GDA: variants seen among roughly 807,000 people sequenced by gnomAD.
GDA encodes the protein cytoplasmic PSD-95 interactor.
Under a neutral mutation model 59.6 loss-of-function variants are expected in GDA, and 18 were observed. That is an observed-to-expected ratio of 0.30 (90% CI 0.21 to 0.45). The LOEUF is 0.45. Among genes scored for constraint, GDA ranks in the 20% least tolerant of loss-of-function variants. The pLI, the probability that GDA is intolerant of heterozygous loss-of-function variation, is 1.00. For missense variants in GDA, 427 were observed against 552.3 expected, an observed-to-expected ratio of 0.77 and a Z score of 2.27; for synonymous variants, 201 against 201.1, an observed-to-expected ratio of 1.00 and a Z score of 0.00.
intron 1 of GDA, among the ~76,000 whole-genome samples, chr9:72,182,820 C>A (rs952418720): frequency 6.6e-6 from 1 of 152,160 alleles, no homozygotes; most frequent in African/African-American, 2.4e-5. Context: ...TCTCCATTCT[C>A]ACTCATGTAC....
At chr9:72,179,066 G>T (rs1830863454) in intron 1 of GDA, among the ~76,000 whole-genome samples, 1 of 152,088 alleles carries the variant, frequency 6.6e-6, no homozygotes, top group Non-Finnish European at 1.5e-5. Context: ...TTCTCTAAGA[G>T]CTCTCCAGCC....
chr9:72,186,980 C>T (rs1200936168), intron 1 of GDA, among the ~76,000 whole-genome samples: 3 of 152,200 alleles, frequency 2.0e-5, no homozygotes, highest in Non-Finnish European at 4.4e-5. Context: ...ACTCCTAAAC[C>T]TTAAGCTCTA....
In GDA at chr9:72,149,661, C is replaced by A. The variant is rs773314382; in HGVS notation, c.102C>A (p.Leu34=). 1 of 1,602,018 alleles carries A rather than the reference C, an allele frequency of 6.2e-7. No homozygotes were observed. Among genetic ancestry groups the A allele is most frequent in the Admixed American group, 1.7e-5 (1 of 58,528 alleles). The change falls in exon 1 of 14, where the codon CTC becomes CTA. Residue 34 remains leucine, a synonymous_variant. Coordinates refer to ENST00000358399, the MANE Select transcript of GDA (RefSeq NM_004293.5). The part of the protein sequence containing the change: ...CPMEVLRDHL[L]GVSDSGKIVF... ...TGGAGGTGCTGCGGGATCACCTCCT[C>A]GGCGTGAGCGACAGCGGCAAAGTAA...
intron 1 of GDA, among the ~76,000 whole-genome samples, chr9:72,129,888 C>T (rs1825967340): frequency 6.6e-6 from 1 of 152,152 alleles, no homozygotes; most frequent in African/African-American, 2.4e-5. Context: ...CAGGTTAGGT[C>T]AGACCCGGGC....
downstream of GDA, among the ~76,000 whole-genome samples, chr9:72,258,414 A>G (rs1840908975): frequency 6.6e-6 from 1 of 152,224 alleles, no homozygotes; most frequent in South Asian, 2.1e-4. Context: ...ACTTCTGAAG[A>G]TGACTTCGTG....
chr9:72,119,718 C>A (rs1412978010), intron 1 of GDA, among the ~76,000 whole-genome samples: 3 of 151,874 alleles, frequency 2.0e-5, no homozygotes, highest in Admixed American at 2.0e-4. Context: ...GAAAAAAATT[C>A]TTTTCATTTG....
intron 9 of GDA, among the ~76,000 whole-genome samples, chr9:72,230,295 C>G (rs1188055722): frequency 6.6e-6 from 1 of 152,020 alleles, no homozygotes; most frequent in Non-Finnish European, 1.5e-5. Flanking sequence ...GAGTTCGAGA[C>G]CAGCCTGACC....
chr9:72,131,891 A>T (rs1349114953), intron 1 of GDA, among the ~76,000 whole-genome samples: 1 of 152,232 alleles, frequency 6.6e-6, no homozygotes, highest in African/African-American at 2.4e-5. Flanking sequence ...AAAGAAAAAG[A>T]TGTTTAATGG....
At chr9:72,178,186 CGTCT>C in intron 1 of GDA, among the ~76,000 whole-genome samples, 1 of 152,146 alleles carries the variant, frequency 6.6e-6, no homozygotes, top group Non-Finnish European at 1.5e-5. Context: ...TCATGATGCA[CGTCT>C]GTTATGTATG....
chr9:72,238,662 G>C (rs1466365772), intron 10 of GDA, among the ~76,000 whole-genome samples: 1 of 152,146 alleles, frequency 6.6e-6, no homozygotes, highest in Admixed American at 6.6e-5. Flanking sequence ...AATTTTGTTA[G>C]AGTCTTCTTG....
chr9:72,213,622 T>C (rs1444254882), intron 4 of GDA, among the ~76,000 whole-genome samples: 1 of 151,482 alleles, frequency 6.6e-6, no homozygotes, highest in Non-Finnish European at 1.5e-5. Flanking sequence ...GCTAACACGG[T>C]GAAACCCCGT....
At chr9:72,134,105 G>T (rs1003635110) in intron 1 of GDA, among the ~76,000 whole-genome samples, 3 of 152,192 alleles carry the variant, frequency 2.0e-5, no homozygotes, top group Non-Finnish European at 4.4e-5. Flanking sequence ...TAGGGAAAGG[G>T]AAGGGGCTTG....
chr9:72,166,348 T>C (rs1006913084), intron 1 of GDA, among the ~76,000 whole-genome samples: 9 of 143,802 alleles, frequency 6.3e-5, no homozygotes, highest in Middle Eastern at 3.6e-3. Context: ...TATGCAGGAG[T>C]TGAAAAAGTT....
chr9:72,233,866 T>TG (rs1838654130), intron 10 of GDA, among the ~76,000 whole-genome samples: 1 of 152,084 alleles, frequency 6.6e-6, no homozygotes, highest in African/African-American at 2.4e-5. Context: ...CGCTTGAGCT[T>TG]GGGAGGTCAA....
intron 1 of GDA, among the ~76,000 whole-genome samples, chr9:72,165,560 G>A (rs1010239946): frequency 3.3e-5 from 5 of 152,118 alleles, no homozygotes; most frequent in African/African-American, 9.7e-5. Context: ...GGTATGTGAG[G>A]TATGTGTAGG....
chr9:72,207,123 C>G (rs1443377968), intron 3 of GDA, among the ~76,000 whole-genome samples: 1 of 151,954 alleles, frequency 6.6e-6, no homozygotes, highest in African/African-American at 2.4e-5. Context: ...GTTGATCATC[C>G]CAATTCATTC....
At chr9:72,226,550 C>T (rs1326631861) in intron 8 of GDA, among the ~76,000 whole-genome samples, 1 of 152,042 alleles carries the variant, frequency 6.6e-6, no homozygotes, top group Admixed American at 6.6e-5. Flanking sequence ...GTGAAGAGAC[C>T]TCATTACAAT....
rs190447251 is a variant in GDA at position 72,252,109 on chromosome 9, T to A, written c.*3767T>A. The A allele has an allele frequency of 6.5e-6, 1 of 152,750 alleles. No individual in the cohort carries two copies. Among genetic ancestry groups the A allele is most frequent in the Admixed American group, 6.5e-5 (1 of 15,290 alleles). The allele number at this position is 152,750 out of a possible 1,614,324, so 9.5% of individuals were successfully genotyped here. ...ATCGCTACTCTTAAGAATATACATG[T>A]ATGTATTCATAGGAACATTTTTTCT... On this transcript the variant is annotated 3_prime_UTR_variant, in exon 14 of 14. Coordinates refer to ENST00000358399, the MANE Select transcript of GDA (RefSeq NM_004293.5).
chr9:72,156,252 A>G (rs746249887), intron 1 of GDA, among the ~76,000 whole-genome samples: 7 of 152,234 alleles, frequency 4.6e-5, no homozygotes, highest in Non-Finnish European at 1.0e-4. Context: ...GGAACATGCA[A>G]AAGAGGATTA....
Sources: allele counts gnomAD v4.1 joint callset (sites outside exome capture counted in the v4.1 genomes callset), GRCh38; gene constraint gnomAD v4.1.1; transcripts MANE v1.5; gene names NCBI Gene and HGNC (gene_info 2026-07-23, HGNC 2026-07-21).